Variants in EPHA7 observed in about 807,000 individuals in gnomAD.
EPHA7 encodes ephrin type-A receptor 7.
Under a neutral mutation model 112.6 loss-of-function variants are expected in EPHA7, and 25 were observed. The observed-to-expected ratio is 0.22, with a 90% CI of 0.16 to 0.31. EPHA7 has a LOEUF of 0.31. EPHA7 is among the 10% of genes least tolerant of loss of function. The pLI is 1.00. For synonymous variants in EPHA7, 437 were observed against 406.5 expected, an observed-to-expected ratio of 1.07 and a Z score of -0.90; for missense variants, 962 against 1,212.6, an observed-to-expected ratio of 0.79 and a Z score of 3.07.
At position 93,416,998 on chromosome 6, in the gene EPHA7, GTCGGGAAGAGGAGAGTGGCTT is replaced by G. The variant is rs1335909013; in HGVS notation, c.97+2226_98-2232del. On this transcript the variant is annotated intron_variant, in intron 1 of 16. Coordinates refer to ENST00000369303, the MANE Select transcript of EPHA7 (RefSeq NM_004440.4). ...CGGTGGCGCCCTCGCTCGAGAAGGA[GTCGGGAAGAGGAGAGTGGCTT>G]TCGGGAAGAGGAGAGTGGCTTTCGG... Among the ~76,000 whole-genome samples, 582 of 152,306 alleles carry G rather than the reference GTCGGGAAGAGGAGAGTGGCTT, an allele frequency of 3.8e-3. 5 individuals carry two copies. Among genetic ancestry groups the G allele is most frequent in the African/African-American group, 0.013 (521 of 41,570 alleles).
At chr6:93,293,161 A>C (rs1772472502) in intron 5 of EPHA7, among the ~76,000 whole-genome samples, 1 of 150,878 alleles carries the variant, frequency 6.6e-6, no homozygotes, top group Non-Finnish European at 1.5e-5. Context: ...AGAAAAGACT[A>C]TGTAAACCCA....
At chr6:93,270,120 T>C (rs1771140216) in intron 6 of EPHA7, among the ~76,000 whole-genome samples, 1 of 151,624 alleles carries the variant, frequency 6.6e-6, no homozygotes, top group African/African-American at 2.4e-5. Context: ...CAGATAACAC[T>C]ACTACTATAC....
chr6:93,385,716 A>G (rs1211343213), intron 3 of EPHA7, among the ~76,000 whole-genome samples: 2 of 152,048 alleles, frequency 1.3e-5, no homozygotes, highest in Non-Finnish European at 2.9e-5. Context: ...GTGTGGATGG[A>G]TGGATAGATT....
At position 93,387,786 on chromosome 6, in the gene EPHA7, T is replaced by C. The variant is rs115947316; in HGVS notation, c.832+22715A>G. Among the ~76,000 whole-genome samples, 1,349 of 152,190 alleles carry C rather than the reference T, an allele frequency of 8.9e-3. 16 individuals carry two copies. Among genetic ancestry groups the C allele is most frequent in the African/African-American group, 0.03 (1,257 of 41,512 alleles). On this transcript the variant is annotated intron_variant, in intron 3 of 16. Coordinates refer to ENST00000369303, the MANE Select transcript of EPHA7 (RefSeq NM_004440.4). ...ACCATCAGATCTCATAAGAACTCAC[T>C]ATCACAAGAACAGCATGGGGTAATC...
At chr6:93,315,515 C>T (rs1773763553) in intron 5 of EPHA7, among the ~76,000 whole-genome samples, 1 of 152,064 alleles carries the variant, frequency 6.6e-6, no homozygotes, top group African/African-American at 2.4e-5. Context: ...AACTTCATCC[C>T]CCTTCATATA....
chr6:93,367,806 C>T (rs1327494467), intron 3 of EPHA7, among the ~76,000 whole-genome samples: 1 of 152,028 alleles, frequency 6.6e-6, no homozygotes, highest in Non-Finnish European at 1.5e-5. Context: ...TAGTATGCTG[C>T]CTGGCATAGA....
At position 93,241,645 on chromosome 6, in the gene EPHA7, G is replaced by C. The variant is rs1005072177; in HGVS notation, c.*1781C>G. 8.9e-6 allele frequency: 2 copies of C among 223,934 alleles called. No homozygotes were observed. Among genetic ancestry groups the C allele is most frequent in the Non-Finnish European group, 1.8e-5 (2 of 111,914 alleles). 13.9% of individuals were successfully genotyped at this position (223,934 alleles called of 1,614,324 possible). A position where few individuals can be genotyped will look rare whatever the true frequency, so the allele number is the denominator to read the frequency against. On this transcript the variant is annotated 3_prime_UTR_variant, in exon 17 of 17. Transcript: ENST00000369303. ...AAAACCAAAAAAAAAGGGTGGGGAG[G>C]GGTTTGGGAAGCAATCCATTTGAGT... is the stretch of plus-strand genomic sequence containing the variant.
rs767281324 is a variant in EPHA7, at chr6:93,358,381, G to A, written c.863C>T (p.Ser288Phe). ...PCGRGFYKSS[S>F]QDLQCSRCPT... is the part of the protein sequence containing the mutation. ...ACAACGAGAGCACTGAAGATCTTGA[G>A]AGGAAGACTTGTAGAACCCACGGCC... The change falls in exon 4 of 17, where the codon TCT becomes TTT. Residue 288 changes from serine to phenylalanine, a missense_variant. Coordinates refer to ENST00000369303, the MANE Select transcript of EPHA7 (RefSeq NM_004440.4). The A allele has an allele frequency of 4.3e-6, 7 of 1,612,310 alleles. No individual in the cohort carries two copies. The highest frequency in any genetic ancestry group is 5.9e-6 in the Non-Finnish European group (7 of 1,178,976).
chr6:93,276,437 G>T (rs1771474332), intron 5 of EPHA7, among the ~76,000 whole-genome samples: 1 of 152,062 alleles, frequency 6.6e-6, no homozygotes, highest in African/African-American at 2.4e-5. Flanking sequence ...GAATGAGCTT[G>T]GAAGTGGATC....
chr6:93,252,503 G>T (rs1486383101), intron 14 of EPHA7, among the ~76,000 whole-genome samples: 1 of 151,826 alleles, frequency 6.6e-6, no homozygotes, highest in African/African-American at 2.4e-5. Flanking sequence ...GGGGTTCATA[G>T]ATCTAAGTCT....
intron 5 of EPHA7, among the ~76,000 whole-genome samples, chr6:93,341,530 A>C (rs1775137336): frequency 6.6e-6 from 1 of 151,894 alleles, no homozygotes; most frequent in South Asian, 2.1e-4. Context: ...AATTCAGAAT[A>C]AAGAAAGTTA....
intron 3 of EPHA7, among the ~76,000 whole-genome samples, chr6:93,386,641 C>T (rs1353135611): frequency 6.6e-6 from 1 of 152,136 alleles, no homozygotes; most frequent in Non-Finnish European, 1.5e-5. Flanking sequence ...GAGCTCCAGT[C>T]CACTTTTCCC....
At chr6:93,262,797 G>T (rs1033336746) in intron 9 of EPHA7, among the ~76,000 whole-genome samples, 1 of 151,090 alleles carries the variant, frequency 6.6e-6, no homozygotes, top group Non-Finnish European at 1.5e-5. Flanking sequence ...TACAATTTGT[G>T]TATTTAAACC....
chr6:93,368,391 C>A (rs1776619586), intron 3 of EPHA7, among the ~76,000 whole-genome samples: 1 of 151,954 alleles, frequency 6.6e-6, no homozygotes, highest in South Asian at 2.1e-4. Flanking sequence ...TGCAGGGACA[C>A]ATTATTGACC....
rs1193205909 is a variant in EPHA7 at position 93,405,801 on chromosome 6, GTGTGTGTGTGTGTA to G, written c.832+4686_832+4699del. ...TGTATATATGTGTGTGTGTGTGTGT[GTGTGTGTGTGTGTA>G]TATATATATATATATATATATATAT... On this transcript the variant is annotated intron_variant, in intron 3 of 16. Coordinates refer to ENST00000369303, the MANE Select transcript of EPHA7 (RefSeq NM_004440.4). 6.2e-3 allele frequency among the ~76,000 whole-genome samples: 397 copies of G among 64,282 alleles called. 1 individual carries two copies. The highest frequency in any genetic ancestry group is 0.024 in the African/African-American group (368 of 15,308). The allele number at this position is 64,282 out of a possible 152,430, so 42.2% of individuals were successfully genotyped here.
chr6:93,366,471 T>C (rs1776515839), intron 3 of EPHA7, among the ~76,000 whole-genome samples: 1 of 152,214 alleles, frequency 6.6e-6, no homozygotes, highest in Non-Finnish European at 1.5e-5. Context: ...TACCTTCCAA[T>C]TGTTTTAATT....
At chr6:93,330,979 T>G (rs557559275) in intron 5 of EPHA7, among the ~76,000 whole-genome samples, 3 of 151,464 alleles carry the variant, frequency 2.0e-5, no homozygotes, top group Admixed American at 1.3e-4. Flanking sequence ...ACCCACAATA[T>G]TGAACATTTC....
chr6:93,362,276 AT>A (rs1447693714), intron 3 of EPHA7, among the ~76,000 whole-genome samples: 1 of 152,088 alleles, frequency 6.6e-6, no homozygotes, highest in Non-Finnish European at 1.5e-5. Context: ...GAGTAATAGT[AT>A]TATTTACTGC....
intron 5 of EPHA7, among the ~76,000 whole-genome samples, chr6:93,286,291 T>C (rs1379938668): frequency 6.6e-6 from 1 of 152,110 alleles, no homozygotes; most frequent in East Asian, 1.9e-4. Context: ...ACCACACCTA[T>C]GACATCTATA....
Sources: gnomAD v4.1 joint callset for allele counts (sites outside exome capture counted in the v4.1 genomes callset) on GRCh38, gnomAD v4.1.1 for gene constraint, MANE v1.5 for transcripts, NCBI Gene and HGNC (gene_info 2026-07-23, HGNC 2026-07-21) for gene names.